Variants in HECW1 observed in about 807,000 individuals in gnomAD.
HECW1 encodes HECT, C2 and WW domain containing E3 ubiquitin protein ligase 1.
A neutral mutation model predicts 182.3 loss-of-function variants in HECW1; 61 were observed. The observed-to-expected ratio is 0.33, with a 90% confidence interval of 0.27 to 0.41. The LOEUF (loss-of-function observed/expected upper bound fraction) is 0.41. Among genes scored for constraint, HECW1 ranks in the 10% least tolerant of loss-of-function variants. The pLI, the probability that HECW1 is intolerant of heterozygous loss-of-function variation, is 1.00. For synonymous variants in HECW1, 859 were observed against 832.6 expected (o/e 1.03, Z -0.55); for missense variants, 1,739 against 2,108.9 (o/e 0.82, Z 3.44).
At chr7:43,357,503 G>A (rs1015155705) in intron 5 of HECW1, among the ~76,000 whole-genome samples, 7 of 152,148 alleles carry the variant, frequency 4.6e-5, no homozygotes, top group Admixed American at 1.3e-4. Flanking sequence ...GTATGTGGGA[G>A]CTAACAAAGT....
At chr7:43,377,883 C>T (rs866288207) in intron 6 of HECW1, 2 of 193,352 alleles carry the variant, frequency 1.0e-5, no homozygotes, top group African/African-American at 2.3e-5. Context: ...TTCACTGCAA[C>T]TCTCTTTTAT....
intron 2 of HECW1, among the ~76,000 whole-genome samples, chr7:43,221,560 T>A (rs1316962080): frequency 2.8e-4 from 32 of 113,094 alleles, no homozygotes; most frequent in African/African-American, 1.1e-3. Context: ...TTTTTTTTTT[T>A]TTTTTTTTTT....
At chr7:43,264,724 G>A (rs1459047276) in intron 3 of HECW1, among the ~76,000 whole-genome samples, 3 of 151,616 alleles carry the variant, frequency 2.0e-5, no homozygotes, top group African/African-American at 7.3e-5. Context: ...GGCACCTGTA[G>A]TCTCAGTTAC....
rs933195568 is a variant in HECW1 at position 43,562,599 on chromosome 7, C to A, written c.*673C>A. On this transcript the variant is annotated 3_prime_UTR_variant, in exon 30 of 30. Coordinates refer to ENST00000395891, the MANE Select transcript of HECW1 (RefSeq NM_015052.5). The stretch of plus-strand genomic sequence containing the variant: ...AACAACAGCAAGAAAACACCTGCTG[C>A]TGATGCAATGCAATGCATCCCAATG... 4 of 228,270 alleles carry A rather than the reference C, an allele frequency of 1.8e-5. No homozygotes were observed. The highest frequency in any genetic ancestry group is 2.6e-5 in the Non-Finnish European group (3 of 114,712). The allele number at this position is 228,270 out of a possible 1,614,324, so 14.1% of individuals were successfully genotyped here. A position where few individuals can be genotyped will look rare whatever the true frequency, so the allele number is the denominator to read the frequency against.
chr7:43,232,660 A>G lies in HECW1; in HGVS notation c.-31-11215A>G, dbSNP rs184106762. Among the ~76,000 whole-genome samples the G allele has an allele frequency of 2.0e-5, 3 of 152,194 alleles. No homozygotes were observed. The East Asian group carries it at 5.8e-4, about 29-fold the overall frequency. ...GGGCAGTAGCAAGAGGGATGGTGAA[A>G]CTCATGATACCTCTTAAAACTTCTT... is the stretch of plus-strand genomic sequence containing the variant. On this transcript the variant is annotated intron_variant, in intron 2 of 29. Transcript: ENST00000395891.
chr7:43,320,448 G>C (rs977057021), intron 4 of HECW1, among the ~76,000 whole-genome samples, 187 bp from the exon 5 acceptor site: 2 of 152,222 alleles, frequency 1.3e-5, no homozygotes, highest in Non-Finnish European at 2.9e-5. Context: ...GGCGATCCCG[G>C]CATAAAAAGC....
At chr7:43,333,431 T>G (rs1811744275) in intron 5 of HECW1, among the ~76,000 whole-genome samples, 1 of 152,256 alleles carries the variant, frequency 6.6e-6, no homozygotes, top group Non-Finnish European at 1.5e-5. Context: ...ATTTGTTATG[T>G]ATGGATGGAT....
At chr7:43,256,109 C>T (rs979806874) in intron 3 of HECW1, among the ~76,000 whole-genome samples, 17 of 152,180 alleles carry the variant, frequency 1.1e-4, no homozygotes, top group African/African-American at 3.4e-4. Context: ...AGGTAACTCA[C>T]GCTCTAGGTC....
At chr7:43,225,631 AT>A (rs1197876363) in intron 2 of HECW1, among the ~76,000 whole-genome samples, 1 of 152,218 alleles carries the variant, frequency 6.6e-6, no homozygotes, top group Non-Finnish European at 1.5e-5. Flanking sequence ...TAAGAATTTT[AT>A]TCCTATAATG....
At chr7:43,154,021 C>T (rs192399402) in intron 2 of HECW1, among the ~76,000 whole-genome samples, 192 of 152,064 alleles carry the variant, frequency 1.3e-3, no homozygotes, top group African/African-American at 4.5e-3. Context: ...TACTCAAATT[C>T]CATGTCAGTT....
In HECW1 at chr7:43,469,015, C is replaced by A; in HGVS notation, c.3009C>A (p.Asn1003Lys). Residue 1003 changes from asparagine to lysine, a missense_variant, in exon 16 of 30, where the codon AAC becomes AAA. Asn to Lys is a moderately conservative substitution (Grantham distance 94, BLOSUM62 0). Transcript: ENST00000395891. ...GCAATTTTGAACGCTACCAGCACAA[C>A]CGGGACTTGGTGAATTTCATCAACA... ...DARNFERYQH[N>K]RDLVNFINMF... The A allele has an allele frequency of 6.2e-7, 1 of 1,614,222 alleles. No individual in the cohort carries two copies. The highest frequency in any genetic ancestry group is 8.5e-7 in the Non-Finnish European group (1 of 1,180,050).
chr7:43,180,878 G>A (rs1487278329), intron 2 of HECW1, among the ~76,000 whole-genome samples: 1 of 152,046 alleles, frequency 6.6e-6, no homozygotes, highest in Non-Finnish European at 1.5e-5. Context: ...TAACTATTTT[G>A]AAATATGCAA....
rs1377035698 is a variant in HECW1, at chr7:43,435,495, T to G, written c.802-2508T>G. Among the ~76,000 whole-genome samples, 3 of 152,250 alleles carry G rather than the reference T, an allele frequency of 2.0e-5. No homozygotes were observed. In the South Asian group the frequency reaches 6.2e-4, roughly 31 times the overall value. On this transcript the variant is annotated intron_variant, in intron 8 of 29. Transcript: ENST00000395891. The stretch of plus-strand genomic sequence containing the variant: ...GCAATCAGACGTACCACATGGTCAC[T>G]GTGGAACTCGTTAGTTCTGTTTGTC...
chr7:43,552,312 C>G lies in HECW1; in HGVS notation c.4486C>G (p.Arg1496Gly), dbSNP rs780552522. 4 of 1,611,432 alleles carry G rather than the reference C, an allele frequency of 2.5e-6. No homozygotes were observed. The highest frequency in any genetic ancestry group is 1.3e-5 in the African/African-American group (1 of 74,798). Residue 1496 changes from arginine (R) to glycine (G), a missense_variant, in exon 28 of 30, where the codon CGG (arginine) becomes GGG (glycine). By Grantham distance (125) the Arg-to-Gly change is moderately radical. Transcript: ENST00000395891. The part of the protein sequence containing the change: ...GTAEIDLNDW[R>G]NNTEYRGGYH... ...CGCGGAAATCGACCTAAATGACTGGCGGAATAACACTGAGTACCGGGGAGG... is the reference window on the plus strand; with the variant it reads ...CGCGGAAATCGACCTAAATGACTGGGGGAATAACACTGAGTACCGGGGAGG...
intron 8 of HECW1, among the ~76,000 whole-genome samples, chr7:43,437,396 A>C (rs2076747374): frequency 6.6e-6 from 1 of 152,210 alleles, no homozygotes; most frequent in Non-Finnish European, 1.5e-5. Flanking sequence ...ATCCCTGTTA[A>C]ATGTATCTTT....
rs2078302375 is a variant in HECW1, at chr7:43,478,534, AGTC to A, written c.3100-1075_3100-1073del. On this transcript the variant is annotated intron_variant, in intron 16 of 29. Transcript: ENST00000395891. ...ATACTTCCATCAAACAATATCATGT[AGTC>A]ATTAAAATTCTCCATTAAAAGAATA... Among the ~76,000 whole-genome samples the A allele has an allele frequency of 2.0e-5, 3 of 152,342 alleles. No individual in the cohort carries two copies. The South Asian group carries it at 6.2e-4, about 32-fold the overall frequency.
At chr7:43,264,476 C>A (rs1402176793) in intron 3 of HECW1, among the ~76,000 whole-genome samples, 1 of 152,158 alleles carries the variant, frequency 6.6e-6, no homozygotes, top group Non-Finnish European at 1.5e-5. Context: ...ACCACACTGA[C>A]TTTAGCCATA....
At chr7:43,369,642 A>T (rs970423140) in intron 6 of HECW1, among the ~76,000 whole-genome samples, 4 of 152,192 alleles carry the variant, frequency 2.6e-5, no homozygotes, top group African/African-American at 9.7e-5. Flanking sequence ...CATCAAGATA[A>T]ATATATTCAT....
intron 29 of HECW1, among the ~76,000 whole-genome samples, chr7:43,556,278 G>A (rs757476323): frequency 6.6e-6 from 1 of 152,222 alleles, no homozygotes; most frequent in Admixed American, 6.5e-5. Flanking sequence ...AGGGCTGAGA[G>A]CGGGGAATGG....
Sources: gnomAD v4.1 joint callset for allele counts (sites outside exome capture counted in the v4.1 genomes callset) on GRCh38, gnomAD v4.1.1 for gene constraint, MANE v1.5 for transcripts, NCBI Gene and HGNC (gene_info 2026-07-23, HGNC 2026-07-21) for gene names.